Variants in TMEM232 observed in about 807,000 individuals in gnomAD.
TMEM232 encodes transmembrane protein 232.
A neutral mutation model predicts 78.8 loss-of-function variants in TMEM232; 80 were observed. That is an observed-to-expected ratio of 1.01 (90% CI 0.85 to 1.22). The LOEUF (loss-of-function observed/expected upper bound fraction) is 1.22, where lower values mean the gene tolerates loss of function less well. Among genes scored for constraint, TMEM232 ranks in the 50% most tolerant of loss-of-function variants. The pLI, the probability that TMEM232 is intolerant of heterozygous loss-of-function variation, is 0.00. For synonymous variants in TMEM232, 297 were observed against 254.3 expected (o/e 1.17, Z -1.60); for missense variants, 881 against 742.2 (o/e 1.19, Z -2.17).
intron 11 of TMEM232, among the ~76,000 whole-genome samples, chr5:110,543,633 G>T (rs557919722): frequency 6.6e-6 from 1 of 152,140 alleles, no homozygotes; most frequent in South Asian, 2.1e-4. Flanking sequence ...TTTTATGGAG[G>T]TTAACGCAGA....
chr5:110,664,890 T>G lies in TMEM232; in HGVS notation c.125+2338A>C, dbSNP rs188418220. Reference sequence around the variant, plus strand: ...AATACCATCACATTGGGTTACAATTTCACTTTGTTAACTCCAGGGCTTTTC... The same window carrying G: ...AATACCATCACATTGGGTTACAATTGCACTTTGTTAACTCCAGGGCTTTTC... On this transcript the variant is annotated intron_variant, in intron 2 of 13. Transcript: ENST00000455884. Among the ~76,000 whole-genome samples the G allele has an allele frequency of 7.9e-5, 12 of 152,346 alleles. No individual in the cohort carries two copies. In the East Asian group the frequency reaches 2.3e-3, roughly 29 times the overall value.
intron 12 of TMEM232, among the ~76,000 whole-genome samples, chr5:110,425,222 T>C (rs1757105257): frequency 6.6e-6 from 1 of 152,052 alleles, no homozygotes; most frequent in African/African-American, 2.4e-5. Context: ...TTCTAAGATA[T>C]GCTGAAAAAA....
At chr5:110,415,597 A>T (rs559179848), downstream of TMEM232, among the ~76,000 whole-genome samples, 1 of 151,848 alleles carries the variant, frequency 6.6e-6, no homozygotes, top group African/African-American at 2.4e-5. Context: ...CTTAGTTATC[A>T]TGATGGAGAA....
At chr5:110,554,270 A>G (rs909038067) in intron 11 of TMEM232, among the ~76,000 whole-genome samples, 1 of 152,062 alleles carries the variant, frequency 6.6e-6, no homozygotes, top group Non-Finnish European at 1.5e-5. Flanking sequence ...GTGAAAAGAG[A>G]GACTGACCTA....
At chr5:110,699,225 G>T (rs993958467) in intron 1 of TMEM232, among the ~76,000 whole-genome samples, 2 of 152,022 alleles carry the variant, frequency 1.3e-5, no homozygotes, top group East Asian at 3.9e-4. Flanking sequence ...AACCTACTTG[G>T]GGTTGAGAGC....
At chr5:110,689,373 T>C (rs995610937) in intron 1 of TMEM232, among the ~76,000 whole-genome samples, 1 of 152,036 alleles carries the variant, frequency 6.6e-6, no homozygotes, top group Non-Finnish European at 1.5e-5. Flanking sequence ...ATTTTAACTT[T>C]ATAGTACTAA....
chr5:110,535,857 A>T (rs1772270122), intron 11 of TMEM232, among the ~76,000 whole-genome samples: 1 of 152,194 alleles, frequency 6.6e-6, no homozygotes, highest in Non-Finnish European at 1.5e-5. Flanking sequence ...GCCGATTCTC[A>T]CTGGCTTCCT....
At chr5:110,599,875 C>T (rs1233617596) in intron 10 of TMEM232, among the ~76,000 whole-genome samples, 1 of 152,174 alleles carries the variant, frequency 6.6e-6, no homozygotes, top group East Asian at 1.9e-4. Flanking sequence ...CTCTTCTCAG[C>T]ACCACATCAC....
At chr5:110,520,989 G>C (rs930943708) in intron 12 of TMEM232, among the ~76,000 whole-genome samples, 2 of 151,988 alleles carry the variant, frequency 1.3e-5, no homozygotes, top group African/African-American at 4.8e-5. Flanking sequence ...GGGCTCACTG[G>C]GGATTGCTAA....
At chr5:110,481,711 C>G (rs890777769) in intron 12 of TMEM232, among the ~76,000 whole-genome samples, 1 of 152,138 alleles carries the variant, frequency 6.6e-6, no homozygotes, top group African/African-American at 2.4e-5. Context: ...GCACTTAGAG[C>G]TAGTGTTTGA....
chr5:110,634,971 G>C (rs1266399263), intron 5 of TMEM232, among the ~76,000 whole-genome samples: 2 of 151,654 alleles, frequency 1.3e-5, no homozygotes. Context: ...AAGAGATAAG[G>C]CCACTCAAAC....
intron 12 of TMEM232, among the ~76,000 whole-genome samples, chr5:110,441,409 AG>A (rs1438441469): frequency 2.6e-5 from 4 of 152,182 alleles, no homozygotes; most frequent in African/African-American, 7.2e-5. Flanking sequence ...TCTCTGTCTC[AG>A]GAAGTTTCAA....
chr5:110,667,099 A>G (rs1354528491), intron 2 of TMEM232, 129 bp downstream of exon 2: 1 of 735,022 alleles, frequency 1.4e-6, no homozygotes, highest in East Asian at 3.1e-5. Context: ...CAAGGCTATT[A>G]AACAAATAGT....
rs1795842124 is a variant in TMEM232, at chr5:110,705,594, A to G, written c.-13+21033T>C. Among the ~76,000 whole-genome samples the G allele has an allele frequency of 6.6e-5, 10 of 151,952 alleles. No individual in the cohort carries two copies. In the South Asian group the frequency reaches 2.1e-3, roughly 32 times the overall value. On this transcript the variant is annotated intron_variant, in intron 1 of 13. Coordinates refer to ENST00000455884, the MANE Select transcript of TMEM232 (RefSeq NM_001039763.4). ...GCAGAGTACCTCTAAAACATGACCA[A>G]CCATTTTGGATGCAGAAGCAGAAGG... is the stretch of plus-strand genomic sequence containing the variant.
At chr5:110,636,932 A>G (rs558792580) in intron 5 of TMEM232, among the ~76,000 whole-genome samples, 37 of 152,128 alleles carry the variant, frequency 2.4e-4, no homozygotes, top group Middle Eastern at 3.4e-3. Flanking sequence ...CATGCATAAA[A>G]CTATATTTTG....
rs549894188 is a variant in TMEM232 at position 110,482,889 on chromosome 5, A to G, written c.1703+45699T>C. ...GCTAAAGAGAAGTAGACAAAAATGT[A>G]GAGAATTTTCCCATGGCACACTTTC... On this transcript the variant is annotated intron_variant, in intron 12 of 13. Coordinates refer to ENST00000455884, the MANE Select transcript of TMEM232 (RefSeq NM_001039763.4). 1.8e-4 allele frequency among the ~76,000 whole-genome samples: 27 copies of G among 151,516 alleles called. No homozygotes were observed. In the South Asian group the frequency reaches 5.4e-3, roughly 30 times the overall value.
chr5:110,536,864 GC>G (rs1307211643), intron 11 of TMEM232, among the ~76,000 whole-genome samples: 1 of 152,132 alleles, frequency 6.6e-6, no homozygotes, highest in Non-Finnish European at 1.5e-5. Context: ...TGGATTTCTT[GC>G]CTAAATTTAG....
intron 1 of TMEM232, among the ~76,000 whole-genome samples, chr5:110,668,362 T>C (rs1473352567): frequency 6.6e-6 from 1 of 152,160 alleles, no homozygotes; most frequent in Non-Finnish European, 1.5e-5. Flanking sequence ...GGTTGCCCTC[T>C]AAGAGGGAGC....
intron 11 of TMEM232, among the ~76,000 whole-genome samples, chr5:110,567,167 T>G (rs1172275604): frequency 6.6e-6 from 1 of 151,840 alleles, no homozygotes; most frequent in African/African-American, 2.4e-5. Flanking sequence ...TAATTCAAGA[T>G]GAGATTGGGT....
Sources: gnomAD v4.1 joint callset for allele counts (sites outside exome capture counted in the v4.1 genomes callset) on GRCh38, gnomAD v4.1.1 for gene constraint, MANE v1.5 for transcripts, NCBI Gene and HGNC (gene_info 2026-07-23, HGNC 2026-07-21) for gene names.